The following RAB3IP variants were observed in gnomAD, a reference collection of about 807,000 sequenced individuals.
RAB3IP encodes RAB3A interacting protein.
In RAB3IP, 36 loss-of-function variants were observed where a neutral mutation model predicts 59.1. The observed-to-expected ratio is 0.61, with a 90% CI of 0.47 to 0.80. The LOEUF is 0.80. Ranked by LOEUF, RAB3IP falls within the 30% of genes least tolerant of loss-of-function variation. The probability of loss-of-function intolerance (pLI) is 0.00; values close to 1 mark genes in which losing one functional copy is unlikely to be tolerated. For missense variants in RAB3IP, 511 were observed against 536.0 expected (o/e 0.95, Z 0.46); for synonymous variants, 207 against 191.2 (o/e 1.08, Z -0.68).
Position 69,819,210 on chromosome 12 carries a change from AAAAAT to A in RAB3IP, c.*3769_*3773del, listed in dbSNP as rs1466521921. 12 of 152,198 alleles carry A rather than the reference AAAAAT, an allele frequency of 7.9e-5. No homozygotes were observed. Among genetic ancestry groups the A allele is most frequent in the Admixed American group, 1.3e-4 (2 of 15,282 alleles). 9.4% of individuals were successfully genotyped at this position (152,198 alleles called of 1,614,324 possible). ...TTATATGTGCCTTCATTCCAAAACAAAAAATAAAAGGTAAGAAAATTGTTGAATTG... is the reference window on the plus strand; with the variant it reads ...TTATATGTGCCTTCATTCCAAAACAAAAAAGGTAAGAAAATTGTTGAATTG... On this transcript the variant is annotated 3_prime_UTR_variant, in exon 11 of 11. Coordinates refer to ENST00000247833, the MANE Select transcript of RAB3IP (RefSeq NM_022456.5).
Position 69,795,211 on chromosome 12 carries a change from C to T in RAB3IP, c.755C>T (p.Thr252Met), listed in dbSNP as rs575263311. 44 of 1,613,998 alleles carry T rather than the reference C, an allele frequency of 2.7e-5. 1 individual carries two copies. The highest frequency in any genetic ancestry group is 1.1e-4 in the African/African-American group (8 of 75,018). Residue 252 changes from threonine to methionine, a missense_variant, in exon 6 of 11, where the codon ACG (threonine) becomes ATG (methionine). Physicochemically the swap from Thr to Met is moderately conservative, Grantham distance 81 (BLOSUM62 -1). Transcript: ENST00000247833. ...LVLSSSPTSP[T>M]QEPLPGGKTP... ...TTGTCCAGTTCTCCAACATCACCTA[C>T]GCAGGAGCCTTTGCCAGGTGGAAAG... is the stretch of plus-strand genomic sequence containing the variant.
chr12:69,801,751 G>A (rs748314006), intron 8 of RAB3IP, 30 bp downstream of exon 8: 7 of 1,357,792 alleles, frequency 5.2e-6, no homozygotes, highest in East Asian at 2.3e-5. Flanking sequence ...AACTGTGAAA[G>A]TGACTGAGTT....
At chr12:69,793,050 G>T (rs77388853) in intron 4 of RAB3IP, among the ~76,000 whole-genome samples, 1 of 151,712 alleles carries the variant, frequency 6.6e-6, no homozygotes, top group Admixed American at 6.6e-5. Context: ...TTAAAACATT[G>T]CCAGATAGTT....
In RAB3IP at chr12:69,755,263, C is replaced by T. The variant is rs1870005807; in HGVS notation, c.-25-121C>T. 5.4e-6 allele frequency: 5 copies of T among 931,348 alleles called. No individual in the cohort carries two copies. In the South Asian group the frequency reaches 7.3e-5, roughly 14 times the overall value. The allele number at this position is 931,348 out of a possible 1,614,324, so 57.7% of individuals were successfully genotyped here. On this transcript the variant is annotated intron_variant, in intron 1 of 10. Coordinates refer to ENST00000247833, the MANE Select transcript of RAB3IP (RefSeq NM_022456.5). ...GATTGTGGTTTTTTAAAAAAAGCCT[C>T]TTTTATTGTAAGCTTATAATTTACA...
chr12:69,744,616 C>T (rs963940824), intron 1 of RAB3IP, among the ~76,000 whole-genome samples: 2 of 150,402 alleles, frequency 1.3e-5, no homozygotes, highest in African/African-American at 4.9e-5. Flanking sequence ...CCCAGCTATT[C>T]AGGAGACAGA....
rs192932279 is a variant in RAB3IP, at chr12:69,763,042, A to G, written c.510+6379A>G. ...CTTTTATAAGGGATGATAACCAGCC[A>G]TTTAGTTCATCCTTAAAGAACTGAG... On this transcript the variant is annotated intron_variant, in intron 3 of 10. Transcript: ENST00000247833. Among the ~76,000 whole-genome samples, 37 of 152,340 alleles carry G rather than the reference A, an allele frequency of 2.4e-4. No homozygotes were observed. The East Asian group carries it at 5.4e-3, about 22-fold the overall frequency.
At chr12:69,758,903 A>G (rs376389523) in intron 3 of RAB3IP, among the ~76,000 whole-genome samples, 6 of 150,824 alleles carry the variant, frequency 4.0e-5, no homozygotes, top group South Asian at 2.1e-4. Context: ...TCCGGCATCT[A>G]TCATTGTTGA....
At chr12:69,771,889 T>C (rs1341227251) in intron 3 of RAB3IP, among the ~76,000 whole-genome samples, 2 of 152,312 alleles carry the variant, frequency 1.3e-5, no homozygotes, top group South Asian at 4.1e-4. Flanking sequence ...GTCCCTTAAT[T>C]ATTAATGATG....
chr12:69,795,410 C>A, intron 6 of RAB3IP, 66 bp downstream of exon 6: 1 of 1,360,752 alleles, frequency 7.3e-7, no homozygotes, highest in Non-Finnish European at 1.0e-6. Context: ...ACTGAGGTGT[C>A]AGTTATCATT....
chr12:69,759,544 T>C (rs1003764046), intron 3 of RAB3IP, among the ~76,000 whole-genome samples: 1 of 151,108 alleles, frequency 6.6e-6, no homozygotes, highest in African/African-American at 2.4e-5. Context: ...AGCTCCTCAC[T>C]TCCCAGAAGG....
At chr12:69,796,525 A>C (rs1201261546) in intron 6 of RAB3IP, 10 of 469,054 alleles carry the variant, frequency 2.1e-5, no homozygotes, top group Non-Finnish European at 3.8e-5. Context: ...AATCTTGAAG[A>C]AATGTGTGTG....
intron 8 of RAB3IP, 44 bp from the exon 9 acceptor site, chr12:69,812,734 A>T: frequency 7.4e-7 from 1 of 1,351,380 alleles, no homozygotes; most frequent in African/African-American, 1.5e-5. Flanking sequence ...GTAGGGGCAA[A>T]TGCTTTTCAT....
chr12:69,799,324 G>A (rs1431506339), intron 6 of RAB3IP, among the ~76,000 whole-genome samples: 2 of 152,218 alleles, frequency 1.3e-5, no homozygotes, highest in African/African-American at 4.8e-5. Context: ...AGAGCTGTAG[G>A]ATGGGGGAGA....
At chr12:69,803,134 TATC>T (rs1472261483) in intron 8 of RAB3IP, among the ~76,000 whole-genome samples, 2 of 152,214 alleles carry the variant, frequency 1.3e-5, no homozygotes, top group Non-Finnish European at 2.9e-5. Flanking sequence ...TATGTGCAGA[TATC>T]ATCAAATGAT....
intron 8 of RAB3IP, among the ~76,000 whole-genome samples, chr12:69,811,399 T>TA (rs1203242989): frequency 2.0e-5 from 3 of 151,970 alleles, no homozygotes; most frequent in Non-Finnish European, 4.4e-5. Context: ...ACTTACAAGT[T>TA]AAAAAAAAGA....
chr12:69,754,784 CATA>C (rs1382672910), intron 1 of RAB3IP, among the ~76,000 whole-genome samples: 1 of 152,108 alleles, frequency 6.6e-6, no homozygotes, highest in Non-Finnish European at 1.5e-5. Context: ...AGTTTCACAG[CATA>C]ATATAATTGT....
rs1239066450 is a variant in RAB3IP at position 69,775,970 on chromosome 12, A to G, written c.511-8750A>G. 3.1e-3 allele frequency among the ~76,000 whole-genome samples: 241 copies of G among 78,578 alleles called. 6 individuals carry two copies. Among genetic ancestry groups the G allele is most frequent in the Non-Finnish European group, 2.3e-3 (83 of 36,540 alleles). 51.6% of individuals were successfully genotyped at this position (78,578 alleles called of 152,430 possible). On this transcript the variant is annotated intron_variant, in intron 3 of 10. Coordinates refer to ENST00000247833, the MANE Select transcript of RAB3IP (RefSeq NM_022456.5). ...ATTCCCTCTTTTTCTATTGATTGGA[A>G]TAGTTTCAGAAGGAATGGTACCAGT...
In RAB3IP at chr12:69,778,403, C is replaced by T. The variant is rs1462926132; in HGVS notation, c.511-6317C>T. Among the ~76,000 whole-genome samples the T allele has an allele frequency of 2.1e-4, 25 of 118,658 alleles. No individual in the cohort carries two copies. In the East Asian group the frequency reaches 4.9e-3, roughly 23 times the overall value. The allele number at this position is 118,658 out of a possible 152,430, so 77.8% of individuals were successfully genotyped here. ...GAGTAATTTGATCGTCTGAAGCCTT[C>T]TTCTCTCAGCTCGTCAAAATCATTC... On this transcript the variant is annotated intron_variant, in intron 3 of 10. Coordinates refer to ENST00000247833, the MANE Select transcript of RAB3IP (RefSeq NM_022456.5).
intron 8 of RAB3IP, among the ~76,000 whole-genome samples, chr12:69,811,818 A>T (rs944795450): frequency 5.9e-5 from 9 of 152,326 alleles, no homozygotes; most frequent in Admixed American, 3.9e-4. Flanking sequence ...CTTAATACAA[A>T]GGCACTTTTG....
Sources: gnomAD v4.1 joint callset for allele counts (sites outside exome capture counted in the v4.1 genomes callset) on GRCh38, gnomAD v4.1.1 for gene constraint, MANE v1.5 for transcripts, NCBI Gene and HGNC (gene_info 2026-07-23, HGNC 2026-07-21) for gene names.